FLI1: variants seen among roughly 807,000 people sequenced by gnomAD.
FLI1 encodes Friend leukemia integration 1 transcription factor.
Under a neutral mutation model 53.1 loss-of-function variants are expected in FLI1, and 13 were observed. The observed-to-expected ratio is 0.24, with a 90% CI of 0.16 to 0.39. The LOEUF (loss-of-function observed/expected upper bound fraction) is 0.39. Ranked by LOEUF, FLI1 falls within the 10% of genes least tolerant of loss-of-function variation. The probability of loss-of-function intolerance (pLI) is 1.00; values close to 1 mark genes in which losing one functional copy is unlikely to be tolerated. For synonymous variants in FLI1, 244 were observed against 236.7 expected (o/e 1.03, Z -0.28); for missense variants, 424 against 600.5 (o/e 0.71, Z 3.07).
At chr11:128,767,905 G>A (rs111706367) in intron 2 of FLI1, among the ~76,000 whole-genome samples, 61 of 152,300 alleles carry the variant, frequency 4.0e-4, no homozygotes, top group Non-Finnish European at 6.2e-4. Flanking sequence ...CAGTTTTTAC[G>A]TACTGTAATT....
chr11:128,726,314 A>ACTCTATGG (rs1321623652), intron 1 of FLI1, among the ~76,000 whole-genome samples: 1 of 151,668 alleles, frequency 6.6e-6, no homozygotes, highest in African/African-American at 2.4e-5. Flanking sequence ...CCAGACTCCT[A>ACTCTATGG]CTCTATGGCT....
chr11:128,723,622 T>A (rs1939348116), intron 1 of FLI1, among the ~76,000 whole-genome samples: 1 of 152,200 alleles, frequency 6.6e-6, no homozygotes, highest in Admixed American at 6.5e-5. Flanking sequence ...CTGCTTGAGA[T>A]TCCAAAAGTA....
intron 1 of FLI1, among the ~76,000 whole-genome samples, chr11:128,714,290 T>C (rs903244038): frequency 4.7e-4 from 71 of 151,724 alleles, no homozygotes; most frequent in African/African-American, 1.7e-3. Context: ...TAAACTGCTA[T>C]CCTGATCTCC....
intron 1 of FLI1, among the ~76,000 whole-genome samples, chr11:128,749,019 G>T (rs548279498): frequency 1.8e-4 from 27 of 152,212 alleles, no homozygotes; most frequent in African/African-American, 6.5e-4. Context: ...TGTTTTTGTC[G>T]TTTGGAGATA....
chr11:128,745,095 A>G (rs1034978210), intron 1 of FLI1, among the ~76,000 whole-genome samples: 1 of 152,226 alleles, frequency 6.6e-6, no homozygotes, highest in Non-Finnish European at 1.5e-5. Context: ...TTAAATGTAC[A>G]TTAAATATGC....
At chr11:128,782,857 T>G (rs577283267) in intron 5 of FLI1, among the ~76,000 whole-genome samples, 2 of 152,340 alleles carry the variant, frequency 1.3e-5, no homozygotes, top group South Asian at 2.1e-4. Context: ...AGCGTCTTTA[T>G]GAAACATCGT....
chr11:128,722,273 A>G (rs1939285524), intron 1 of FLI1, among the ~76,000 whole-genome samples: 1 of 152,226 alleles, frequency 6.6e-6, no homozygotes, highest in Non-Finnish European at 1.5e-5. Context: ...ACATTTTGAC[A>G]GGGTATGGAG....
intron 3 of FLI1, among the ~76,000 whole-genome samples, chr11:128,768,964 C>T (rs1341332479): frequency 1.3e-5 from 2 of 152,248 alleles, no homozygotes. Context: ...CAGTCCTTCC[C>T]TCCAGGCTCG....
At chr11:128,686,306 C>G (rs1231388174), upstream of FLI1, 1 of 455,900 alleles carries the variant, frequency 2.2e-6, no homozygotes, top group Admixed American at 2.4e-5. Flanking sequence ...TGCGGGCATC[C>G]CCAGTTCGAA....
chr11:128,784,879 C>G (rs73573791), intron 5 of FLI1, among the ~76,000 whole-genome samples: 5,901 of 151,072 alleles, frequency 0.039, 366 homozygotes, highest in African/African-American at 0.14. Flanking sequence ...GTGTGTGTGT[C>G]TGTGTGTGAG....
chr11:128,776,625 T>G (rs1941735649), intron 4 of FLI1, among the ~76,000 whole-genome samples: 1 of 152,192 alleles, frequency 6.6e-6, no homozygotes, highest in African/African-American at 2.4e-5. Context: ...CACTCTGGCC[T>G]GGGCGATAGA....
rs1175896968 is a variant in FLI1, at chr11:128,758,292, G to A, written c.196G>A (p.Val66Ile). ...EWINQPVRVN[V>I]KREYDHMNGS... is the part of the protein sequence containing the mutation. ...GATCAATCAGCCAGTGAGGGTCAACGTCAAGCGGGAGTATGACCACATGAA... is the reference window on the plus strand; with the variant it reads ...GATCAATCAGCCAGTGAGGGTCAACATCAAGCGGGAGTATGACCACATGAA... Residue 66 changes from valine to isoleucine, a missense_variant, in exon 2 of 9, where the codon GTC (valine) becomes ATC (isoleucine). Transcript: ENST00000527786. 18 of 1,613,484 alleles carry A rather than the reference G, an allele frequency of 1.1e-5. No individual in the cohort carries two copies. The highest frequency in any genetic ancestry group is 6.7e-5 in the East Asian group (3 of 44,886).
intron 4 of FLI1, among the ~76,000 whole-genome samples, chr11:128,780,376 G>A (rs591182): frequency 0.54 from 81,495 of 152,050 alleles, 22,203 homozygotes; most frequent in Middle Eastern, 0.72. Flanking sequence ...TTGGGAGGCC[G>A]AGGCAGGCAG....
intron 1 of FLI1, among the ~76,000 whole-genome samples, chr11:128,717,570 C>A (rs1189931082): frequency 6.6e-6 from 1 of 152,058 alleles, no homozygotes; most frequent in Non-Finnish European, 1.5e-5. Flanking sequence ...GCATGCCAGG[C>A]GGTTTATAAA....
At chr11:128,686,529 A>C (rs1591717514), upstream of FLI1, 1 of 454,822 alleles carries the variant, frequency 2.2e-6, no homozygotes, top group African/African-American at 2.0e-5. Context: ...AGCTTCCCAA[A>C]CCCCTACAGT....
chr11:128,773,233 C>A (rs1211268761), intron 4 of FLI1, among the ~76,000 whole-genome samples: 1 of 152,098 alleles, frequency 6.6e-6, no homozygotes, highest in Non-Finnish European at 1.5e-5. Flanking sequence ...AGGGGTCTGG[C>A]AGAGGCTGGT....
chr11:128,706,498 C>T (rs1183544758), intron 1 of FLI1, among the ~76,000 whole-genome samples: 1 of 152,112 alleles, frequency 6.6e-6, no homozygotes, highest in East Asian at 1.9e-4. Flanking sequence ...TAGCCCCCTC[C>T]CCAGTAGTCT....
intron 2 of FLI1, chr11:128,764,884 G>T (rs1941271785): frequency 2.6e-6 from 4 of 1,532,786 alleles, no homozygotes; most frequent in Admixed American, 3.6e-5. Flanking sequence ...CAAGTGTGGG[G>T]AACCAGGATG....
intron 6 of FLI1, chr11:128,805,906 G>A (rs1213044767): frequency 3.3e-5 from 5 of 152,250 alleles, no homozygotes; most frequent in African/African-American, 7.3e-5. Context: ...TCCTCAACAG[G>A]TTATCTTCTG....
Sources: allele counts gnomAD v4.1 joint callset (sites outside exome capture counted in the v4.1 genomes callset), GRCh38; gene constraint gnomAD v4.1.1; transcripts MANE v1.5; gene names NCBI Gene and HGNC (gene_info 2026-07-23, HGNC 2026-07-21).